OR2T10: variants seen among roughly 807,000 people sequenced by gnomAD.
The protein encoded by OR2T10 is olfactory receptor family 2 subfamily T member 10, also known as olfactory receptor 2T10.
For synonymous variants in OR2T10, 125 were observed against 141.8 expected (o/e 0.88, Z 0.84); for missense variants, 335 against 382.5 (o/e 0.88, Z 1.04).
rs1460344118 is a variant in OR2T10, at chr1:248,591,502, G to A, written c.*1328C>T. ...ATTTGTTGAATGAATGAATGACTTG[G>A]GGCCTAAAGGAAGATTATGTAGTCA... is the stretch of plus-strand genomic sequence containing the variant. On this transcript the variant is annotated 3_prime_UTR_variant, in exon 2 of 2. Transcript: ENST00000642090. 5 of 143,914 alleles carry A rather than the reference G, an allele frequency of 3.5e-5. 1 individual carries two copies. Among genetic ancestry groups the A allele is most frequent in the African/African-American group, 1.4e-4 (5 of 36,672 alleles). 8.9% of individuals were successfully genotyped at this position (143,914 alleles called of 1,614,324 possible).
Position 248,593,012 on chromosome 1 carries a change from C to T in OR2T10, c.757G>A (p.Gly253Arg), listed in dbSNP as rs866048007. ...SHITVVSLFYGAAIYNYMLPS... is the reference protein window; with the variant it reads ...SHITVVSLFYRAAIYNYMLPS... ...AGCATGTAGTTGTAAATAGCAGCTC[C>T]ATAGAAGAGGCTGACCACTGTAATG... The change falls in exon 2 of 2, where the codon GGA becomes AGA. Residue 253 changes from glycine (G) to arginine (R), a missense_variant. Physicochemically the swap from Gly to Arg is moderately radical, Grantham distance 125. Coordinates refer to ENST00000642090, the MANE Select transcript of OR2T10 (RefSeq NM_001004693.2). 6.4e-7 allele frequency: 1 copy of T among 1,572,642 alleles called. No homozygotes were observed. Among genetic ancestry groups the T allele is most frequent in the South Asian group, 1.1e-5 (1 of 88,850 alleles).
rs1446238610 is a variant in OR2T10, at chr1:248,595,416, TAAG to T, written c.-28-1623_-28-1621del. Among the ~76,000 whole-genome samples the T allele has an allele frequency of 7.0e-5, 10 of 143,768 alleles. 2 individuals are homozygous for T. The highest frequency in any genetic ancestry group is 6.1e-4 in the Admixed American group (9 of 14,756). The allele number at this position is 143,768 out of a possible 152,430, so 94.3% of individuals were successfully genotyped here. On this transcript the variant is annotated intron_variant, in intron 1 of 1. Coordinates refer to ENST00000642090, the MANE Select transcript of OR2T10 (RefSeq NM_001004693.2). ...TTATCATTAACTTAAAATTTATAAA[TAAG>T]AATTATTGCAATTGGTCATATTATT...
chr1:248,596,784 C>CCCT (rs1311675108), intron 1 of OR2T10, among the ~76,000 whole-genome samples: 1 of 142,742 alleles, frequency 7.0e-6, no homozygotes, highest in Non-Finnish European at 1.5e-5. Context: ...AGGAGAGCAC[C>CCCT]CCTCCTTCTT....
rs536169706 is a variant in OR2T10, at chr1:248,593,456, G to C, written c.313C>G (p.Leu105Val). The C allele has an allele frequency of 3.5e-5, 55 of 1,572,538 alleles. 7 individuals are homozygous for C. Among genetic ancestry groups the C allele is most frequent in the Admixed American group, 3.3e-4 (19 of 58,370 alleles). Residue 105 changes from leucine (L) to valine (V), a missense_variant, in exon 2 of 2, where the codon CTG becomes GTG. By Grantham distance (32) the Leu-to-Val change is conservative. Transcript: ENST00000642090. ...CAGCACTCTGCACCTCCCAACTGCA[G>C]GTAGAAGTACATCTGGGTGCCACAC... is the stretch of plus-strand genomic sequence containing the variant. The part of the protein sequence containing the change: ...LGCGTQMYFY[L>V]QLGGAECCLL...
chr1:248,593,598 A>G lies in OR2T10; in HGVS notation c.171T>C (p.Thr57=). 4.5e-6 allele frequency: 7 copies of G among 1,566,208 alleles called. No individual in the cohort carries two copies. Among genetic ancestry groups the G allele is most frequent in the Non-Finnish European group, 6.1e-6 (7 of 1,152,430 alleles). ...LLIHIDSSLH[T]PMYFFINQLS... is the part of the protein sequence containing the mutation. ...GCTGGTTTATAAAGAAGTACATGGG[A>G]GTATGCAGAGAGGAGTCAATGTGGA... The change falls in exon 2 of 2, where the codon ACT becomes ACC. Residue 57 remains threonine (T), a synonymous_variant. Transcript: ENST00000642090.
At chr1:248,597,031 G>A (rs1660102430) in intron 1 of OR2T10, among the ~76,000 whole-genome samples, 2 of 143,532 alleles carry the variant, frequency 1.4e-5, no homozygotes, top group Non-Finnish European at 3.0e-5. Flanking sequence ...ATTTTCAGAG[G>A]AAAAAATGTT....
In OR2T10 at chr1:248,593,678, T is replaced by TAA; in HGVS notation, c.89_90dup (p.Ile31LeufsTer7). 1 of 1,560,756 alleles carries TAA rather than the reference T, an allele frequency of 6.4e-7. No individual in the cohort carries two copies. The highest frequency in any genetic ancestry group is 8.7e-7 in the Non-Finnish European group (1 of 1,148,862). The stretch of plus-strand genomic sequence containing the variant: ...ACAGCCATCAAAAATATACTGAAGA[T>TAA]AAGCAAGCAGAGGCGGCCAGGGTGT... On this transcript the variant is annotated frameshift_variant, in exon 2 of 2. Coordinates refer to ENST00000642090, the MANE Select transcript of OR2T10 (RefSeq NM_001004693.2). LOFTEE classifies it low-confidence loss of function (END_TRUNC).
intron 1 of OR2T10, among the ~76,000 whole-genome samples, chr1:248,595,380 CTT>C (rs1660076214): frequency 7.0e-6 from 1 of 143,284 alleles, no homozygotes; most frequent in Non-Finnish European, 1.5e-5. Flanking sequence ...GTAATGTACA[CTT>C]TATATTTTTT....
intron 1 of OR2T10, among the ~76,000 whole-genome samples, chr1:248,594,088 TTG>T (rs60527257): frequency 0.032 from 4,567 of 142,910 alleles, 977 homozygotes; most frequent in African/African-American, 0.12. Flanking sequence ...TGTTCACATT[TTG>T]TGTGTGTTAG....
chr1:248,596,066 A>G (rs1289084896), intron 1 of OR2T10, among the ~76,000 whole-genome samples: 1 of 143,962 alleles, frequency 6.9e-6, no homozygotes, highest in Non-Finnish European at 1.5e-5. Flanking sequence ...TGAGACAAAT[A>G]AAACACACAT....
Position 248,590,687 on chromosome 1 carries a change from T to G in OR2T10, c.*2143A>C, listed in dbSNP as rs555716344. On this transcript the variant is annotated 3_prime_UTR_variant, in exon 2 of 2. Coordinates refer to ENST00000642090, the MANE Select transcript of OR2T10 (RefSeq NM_001004693.2). ...TTTTTCATTCTTTCGTTGCTTCTTT[T>G]AGAAATATAAAAATCTATCATTTTT... 15 of 143,312 alleles carry G rather than the reference T, an allele frequency of 1.0e-4. 2 individuals carry two copies. In the East Asian group the frequency reaches 2.4e-3, roughly 23 times the overall value. 8.9% of individuals were successfully genotyped at this position (143,312 alleles called of 1,614,324 possible).
intron 1 of OR2T10, among the ~76,000 whole-genome samples, chr1:248,596,880 A>G (rs1660100311): frequency 7.0e-6 from 1 of 142,528 alleles, no homozygotes; most frequent in Admixed American, 6.8e-5. Context: ...TGAAACCTCT[A>G]TCAACCATCT....
chr1:248,597,408 TTGGTG>T (rs1660108607), intron 1 of OR2T10, 79 bp downstream of exon 1: 6 of 143,066 alleles, frequency 4.2e-5, no homozygotes, highest in African/African-American at 1.6e-4. Flanking sequence ...AACTGTTACA[TTGGTG>T]ATTAATATCA....
rs1016280579 is a variant in OR2T10 at position 248,592,659 on chromosome 1, T to C, written c.*171A>G. 16 of 486,742 alleles carry C rather than the reference T, an allele frequency of 3.3e-5. 3 individuals are homozygous for C. Among genetic ancestry groups the C allele is most frequent in the African/African-American group, 2.5e-4 (11 of 44,720 alleles). 30.2% of individuals were successfully genotyped at this position (486,742 alleles called of 1,614,324 possible). A position where few individuals can be genotyped will look rare whatever the true frequency, so the allele number is the denominator to read the frequency against. On this transcript the variant is annotated 3_prime_UTR_variant, in exon 2 of 2. Transcript: ENST00000642090. ...TGCTACGAGGGAAGGGGGGGATAAG[T>C]GAACATCATCTCAAGTGTGATTATA...
intron 1 of OR2T10, among the ~76,000 whole-genome samples, chr1:248,594,592 A>G (rs1313049029): frequency 2.1e-5 from 3 of 143,654 alleles, no homozygotes. Flanking sequence ...ATCAAAAAAA[A>G]ATTATGGCTA....
intron 1 of OR2T10, among the ~76,000 whole-genome samples, chr1:248,596,171 T>C (rs74154310): frequency 0.15 from 22,002 of 142,578 alleles, 4,954 homozygotes; most frequent in East Asian, 0.44. Context: ...AAAGTAGACT[T>C]AACGGAATTT....
At position 248,596,144 on chromosome 1, in the gene OR2T10, C is replaced by A. The variant is rs1046009918; in HGVS notation, c.-29+1348G>T. Among the ~76,000 whole-genome samples, 5 of 143,302 alleles carry A rather than the reference C, an allele frequency of 3.5e-5. 1 individual carries two copies. Among genetic ancestry groups the A allele is most frequent in the African/African-American group, 1.4e-4 (5 of 36,388 alleles). 94.0% of individuals were successfully genotyped at this position (143,302 alleles called of 152,430 possible). On this transcript the variant is annotated intron_variant, in intron 1 of 1. Transcript: ENST00000642090. ...TCTCAAAGAAAAATCAGGAAGTAGG[C>A]GCAAAAGGGGTAAGGAAAAGTAGAC...
At position 248,593,033 on chromosome 1, in the gene OR2T10, T is replaced by C; in HGVS notation, c.736A>G (p.Thr246Ala). ...KAFTTCSSHI[T>A]VVSLFYGAAI... ...GCTCCATAGAAGAGGCTGACCACTG[T>C]AATGTGGGAGGAGCAGGTGGTGAAG... Residue 246 changes from threonine (T) to alanine (A), a missense_variant, in exon 2 of 2, where the codon ACA becomes GCA. Thr to Ala is a moderately conservative substitution (Grantham distance 58, BLOSUM62 0). Coordinates refer to ENST00000642090, the MANE Select transcript of OR2T10 (RefSeq NM_001004693.2). 1 of 1,572,300 alleles carries C rather than the reference T, an allele frequency of 6.4e-7. No individual in the cohort carries two copies. Among genetic ancestry groups the C allele is most frequent in the Non-Finnish European group, 8.6e-7 (1 of 1,156,310 alleles).
At chr1:248,595,437 A>G (rs1660076887) in intron 1 of OR2T10, among the ~76,000 whole-genome samples, 2 of 143,172 alleles carry the variant, frequency 1.4e-5, no homozygotes, top group South Asian at 2.2e-4. Context: ...GCAATTGGTC[A>G]TATTATTTCC....
Sources: allele counts gnomAD v4.1 joint callset (sites outside exome capture counted in the v4.1 genomes callset), GRCh38; gene constraint gnomAD v4.1.1; transcripts MANE v1.5; gene names NCBI Gene and HGNC (gene_info 2026-07-23, HGNC 2026-07-21).